The following DENND11 variants were observed in gnomAD, a reference collection of about 807,000 sequenced individuals.
DENND11 encodes the protein DENN domain containing 11, also known as DENN domain-containing protein 11.
In DENND11, 34 loss-of-function variants were observed where a neutral mutation model predicts 49.2. The observed-to-expected ratio is 0.69, with a 90% CI of 0.53 to 0.92. The LOEUF is 0.92. Among genes scored for constraint, DENND11 ranks in the 40% least tolerant of loss-of-function variants. The pLI, the probability that DENND11 is intolerant of heterozygous loss-of-function variation, is 0.00. For missense variants in DENND11, 475 were observed against 581.6 expected (o/e 0.82, Z 1.88); for synonymous variants, 238 against 230.3 (o/e 1.03, Z -0.30).
chr7:141,678,820 G>C (rs757912134), intron 3 of DENND11, among the ~76,000 whole-genome samples: 1 of 152,100 alleles, frequency 6.6e-6, no homozygotes, highest in Non-Finnish European at 1.5e-5. Context: ...TTTACCGTTG[G>C]TTTGTTTGAA....
At chr7:141,693,308 TATC>T (rs1798355056) in intron 1 of DENND11, among the ~76,000 whole-genome samples, 1 of 152,332 alleles carries the variant, frequency 6.6e-6, no homozygotes, top group Non-Finnish European at 1.5e-5. Flanking sequence ...AACAATGAGA[TATC>T]ATGACACACA....
chr7:141,685,897 T>C (rs1798234981), intron 2 of DENND11, among the ~76,000 whole-genome samples: 1 of 152,120 alleles, frequency 6.6e-6, no homozygotes, highest in Non-Finnish European at 1.5e-5. Flanking sequence ...ACATCTCTTC[T>C]CTCCTGCACC....
In DENND11 at chr7:141,667,441, G is replaced by T. The variant is rs561648617; in HGVS notation, c.682-1016C>A. On this transcript the variant is annotated intron_variant, in intron 4 of 8. Coordinates refer to ENST00000536163, the MANE Select transcript of DENND11 (RefSeq NM_001080392.2). ...GAAATACGGAATCATCACCTACCTC[G>T]TAGGGTTACTTTAAGGACCGCCTGA... 1.4e-4 allele frequency among the ~76,000 whole-genome samples: 22 copies of T among 152,196 alleles called. 1 individual carries two copies. In the East Asian group the frequency reaches 4.1e-3, roughly 28 times the overall value.
At chr7:141,683,451 C>G (rs536582182) in intron 3 of DENND11, among the ~76,000 whole-genome samples, 1 of 151,902 alleles carries the variant, frequency 6.6e-6, no homozygotes, top group Non-Finnish European at 1.5e-5. Flanking sequence ...CTAGCCTGAC[C>G]AACATGGTGA....
intron 1 of DENND11, among the ~76,000 whole-genome samples, chr7:141,698,334 C>G (rs1394149339): frequency 6.6e-6 from 1 of 152,208 alleles, no homozygotes; most frequent in Non-Finnish European, 1.5e-5. Context: ...AATCAAGGCT[C>G]TAAATCATGG....
At chr7:141,692,324 C>T (rs1183029252) in intron 1 of DENND11, among the ~76,000 whole-genome samples, 1 of 152,112 alleles carries the variant, frequency 6.6e-6, no homozygotes. Context: ...CCCCAAATAG[C>T]CAACATAATA....
intron 1 of DENND11, among the ~76,000 whole-genome samples, chr7:141,691,758 A>G (rs1291890245): frequency 2.0e-5 from 3 of 152,242 alleles, no homozygotes; most frequent in East Asian, 1.9e-4. Context: ...GGAAGTAGGT[A>G]GAGCTACTAT....
intron 3 of DENND11, among the ~76,000 whole-genome samples, chr7:141,680,655 G>C (rs1457055660): frequency 6.6e-6 from 1 of 151,352 alleles, no homozygotes; most frequent in East Asian, 2.0e-4. Flanking sequence ...TCAAGTTCCA[G>C]ATCCCAGAAG....
At position 141,662,298 on chromosome 7, in the gene DENND11, C is replaced by CA; in HGVS notation, c.*357dup. The CA allele has an allele frequency of 4.5e-6, 1 of 220,670 alleles. No homozygotes were observed. The highest frequency in any genetic ancestry group is 8.8e-6 in the Non-Finnish European group (1 of 113,634). The allele number at this position is 220,670 out of a possible 1,614,324, so 13.7% of individuals were successfully genotyped here. A position where few individuals can be genotyped will look rare whatever the true frequency, so the allele number is the denominator to read the frequency against. On this transcript the variant is annotated 3_prime_UTR_variant, in exon 9 of 9. Coordinates refer to ENST00000536163, the MANE Select transcript of DENND11 (RefSeq NM_001080392.2). ...AGGGGACAGGTGGTTGTCTTATTCT[C>CA]AAATACATCAAGGGACAAAGACCAC...
At position 141,701,176 on chromosome 7, in the gene DENND11, T is replaced by C. The variant is rs566072439; in HGVS notation, c.268+710A>G. 2.0e-4 allele frequency among the ~76,000 whole-genome samples: 30 copies of C among 152,134 alleles called. 1 individual carries two copies. In the East Asian group the frequency reaches 5.4e-3, roughly 28 times the overall value. On this transcript the variant is annotated intron_variant, in intron 1 of 8. Transcript: ENST00000536163. The stretch of plus-strand genomic sequence containing the variant: ...GCTAAGATTATGTGGGATAAGACTT[T>C]AATTCTCCAAGCATCTCCGAAAGAC...
chr7:141,685,739 AAGCTC>A (rs1173475010), intron 2 of DENND11, 103 bp from the exon 3 acceptor site: 8 of 1,278,170 alleles, frequency 6.3e-6, no homozygotes, highest in Non-Finnish European at 8.7e-6. Flanking sequence ...GTCAATGACA[AAGCTC>A]AGCCTCAAGA....
chr7:141,694,209 G>A (rs1486309486), intron 1 of DENND11, among the ~76,000 whole-genome samples: 1 of 152,040 alleles, frequency 6.6e-6, no homozygotes, highest in Non-Finnish European at 1.5e-5. Context: ...CCTAAGAGTG[G>A]CAATGATACT....
At position 141,684,346 on chromosome 7, in the gene DENND11, C is replaced by A. The variant is rs1432157202; in HGVS notation, c.527+1132G>T. ...AGGAATATTTCAAGGAATAGTATAT[C>A]TTACTGTGAAAAAACATTTACTTGA... On this transcript the variant is annotated intron_variant, in intron 3 of 8. Coordinates refer to ENST00000536163, the MANE Select transcript of DENND11 (RefSeq NM_001080392.2). Among the ~76,000 whole-genome samples, 3 of 152,212 alleles carry A rather than the reference C, an allele frequency of 2.0e-5. No homozygotes were observed. The East Asian group carries it at 5.8e-4, about 29-fold the overall frequency.
chr7:141,693,885 A>G (rs552351999), intron 1 of DENND11, among the ~76,000 whole-genome samples: 2 of 152,216 alleles, frequency 1.3e-5, no homozygotes, highest in Non-Finnish European at 2.9e-5. Flanking sequence ...TCTGTATGAT[A>G]CTGTTATGGT....
intron 1 of DENND11, among the ~76,000 whole-genome samples, chr7:141,694,131 G>T (rs1180947828): frequency 1.3e-5 from 2 of 151,958 alleles, no homozygotes; most frequent in African/African-American, 4.8e-5. Context: ...AACTAAAATT[G>T]CTCTAAAAAA....
At chr7:141,685,741 G>T in intron 2 of DENND11, 105 bp from the exon 3 acceptor site, 3 of 1,266,284 alleles carry the variant, frequency 2.4e-6, no homozygotes, top group Non-Finnish European at 3.3e-6. Context: ...CAATGACAAA[G>T]CTCAGCCTCA....
chr7:141,682,209 G>A (rs1257548557), intron 3 of DENND11, among the ~76,000 whole-genome samples: 2 of 152,186 alleles, frequency 1.3e-5, no homozygotes, highest in African/African-American at 4.8e-5. Context: ...TTTTAGACTG[G>A]AAGCATGAAC....
chr7:141,702,113 G>A lies in DENND11; in HGVS notation c.41C>T (p.Ala14Val). The A allele has an allele frequency of 8.1e-6, 8 of 983,880 alleles. No homozygotes were observed. The highest frequency in any genetic ancestry group is 9.6e-6 in the Non-Finnish European group (8 of 830,376). 60.9% of individuals were successfully genotyped at this position (983,880 alleles called of 1,614,324 possible). The change falls in exon 1 of 9, where the codon GCC (alanine) becomes GTC (valine). Residue 14 changes from alanine to valine, a missense_variant. By Grantham distance (64) the Ala-to-Val change is moderately conservative. Transcript: ENST00000536163. ...CGGCAGGGAGACGGCGGGGCCCTCG[G>A]CCCAGCGCAGCAGCGGCGCCGCGTC... ...QGDAAPLLRW[A>V]EGPAVSLPQA...
intron 2 of DENND11, 29 bp from the exon 3 acceptor site, chr7:141,685,665 T>C (rs779050388): frequency 2.0e-5 from 32 of 1,610,684 alleles, no homozygotes; most frequent in Middle Eastern, 3.3e-4. Flanking sequence ...GTAGTGTGGC[T>C]CAAGATCAGA....
Sources: allele counts gnomAD v4.1 joint callset (sites outside exome capture counted in the v4.1 genomes callset), GRCh38; gene constraint gnomAD v4.1.1; transcripts MANE v1.5; gene names NCBI Gene and HGNC (gene_info 2026-07-23, HGNC 2026-07-21).